Variants in FLRT1 observed in about 807,000 individuals in gnomAD.
The protein encoded by FLRT1 is leucine-rich repeat transmembrane protein FLRT1.
A neutral mutation model predicts 30.9 loss-of-function variants in FLRT1; 14 were observed. The ratio of observed to expected loss-of-function variants is 0.45; its 90% confidence interval spans 0.30 to 0.71. The LOEUF (loss-of-function observed/expected upper bound fraction) is 0.71, where lower values mean the gene tolerates loss of function less well. FLRT1 is among the 30% of genes least tolerant of loss of function. FLRT1 has a pLI of 0.08. For missense variants in FLRT1, 737 were observed against 949.2 expected, an observed-to-expected ratio of 0.78 and a Z score of 2.94; for synonymous variants, 368 against 430.4, an observed-to-expected ratio of 0.85 and a Z score of 1.80.
At chr11:64,063,956 A>T (rs2134444759) in intron 1 of FLRT1, among the ~76,000 whole-genome samples, 1 of 152,348 alleles carries the variant, frequency 6.6e-6, no homozygotes, top group African/African-American at 2.4e-5. Context: ...TGATAGACTA[A>T]GAGGTGACAA....
chr11:64,036,679 G>A lies in FLRT1; in HGVS notation c.-1038+520G>A, dbSNP rs550115255. Reference sequence around the variant, plus strand: ...TTATTTTTAAAACGACTTCAAGGGGGGCATGAGCAGCCTCCAACTTCCCTC... The same window carrying A: ...TTATTTTTAAAACGACTTCAAGGGGAGCATGAGCAGCCTCCAACTTCCCTC... On this transcript the variant is annotated intron_variant, in intron 1 of 2. Transcript: ENST00000682287. The surrounding 1 kb of genome is among the most constrained non-coding windows in gnomAD (Gnocchi z 5.6). 6.6e-6 allele frequency among the ~76,000 whole-genome samples: 1 copy of A among 152,212 alleles called. No individual in the cohort carries two copies. The highest frequency in any genetic ancestry group is 2.1e-4 in the South Asian group (1 of 4,824).
intron 2 of FLRT1, among the ~76,000 whole-genome samples, chr11:64,110,029 G>C (rs616563): frequency 0.46 from 70,568 of 151,886 alleles, 17,201 homozygotes; most frequent in African/African-American, 0.61. Context: ...CACTCAGGAG[G>C]GGGTACTCTG....
chr11:64,077,366 G>A (rs1181160528), intron 1 of FLRT1, among the ~76,000 whole-genome samples: 1 of 152,168 alleles, frequency 6.6e-6, no homozygotes, highest in Non-Finnish European at 1.5e-5. Context: ...GGGAATTGGG[G>A]GCCCCTGTCA....
chr11:64,063,937 A>G (rs1434530028), intron 1 of FLRT1, among the ~76,000 whole-genome samples: 1 of 152,222 alleles, frequency 6.6e-6, no homozygotes, highest in Non-Finnish European at 1.5e-5. Context: ...GAGGTTTGAA[A>G]GGAACCAGTG....
At chr11:64,039,401 G>GTT (rs1484384324) in intron 1 of FLRT1, among the ~76,000 whole-genome samples, 2 of 152,174 alleles carry the variant, frequency 1.3e-5, no homozygotes, top group Non-Finnish European at 2.9e-5. Context: ...TTCCAAGTGT[G>GTT]TTTGAGGTCG....
intron 1 of FLRT1, among the ~76,000 whole-genome samples, chr11:64,063,659 T>C (rs1355699493): frequency 6.6e-6 from 1 of 152,052 alleles, no homozygotes; most frequent in Non-Finnish European, 1.5e-5. Flanking sequence ...CGTGGGAGTG[T>C]GTGCTGGATG....
chr11:64,086,691 CAG>C (rs1392495727), intron 1 of FLRT1, among the ~76,000 whole-genome samples: 2 of 152,140 alleles, frequency 1.3e-5, no homozygotes, highest in Non-Finnish European at 2.9e-5. Flanking sequence ...TCAGGGAAGA[CAG>C]AGAGGGGGAG....
intron 1 of FLRT1, among the ~76,000 whole-genome samples, chr11:64,040,272 G>A (rs765376691): frequency 6.6e-6 from 1 of 152,122 alleles, no homozygotes; most frequent in South Asian, 2.1e-4. Context: ...GTGGGATTGA[G>A]GGGGACTTCC....
Position 64,065,074 on chromosome 11 carries a change from C to A in FLRT1, c.-1038+28915C>A, listed in dbSNP as rs117047674. Among the ~76,000 whole-genome samples the A allele has an allele frequency of 5.2e-3, 791 of 152,288 alleles. 7 individuals carry two copies. The highest frequency in any genetic ancestry group is 8.3e-3 in the Non-Finnish European group (564 of 68,028). ...GAAGCCCAGCAGGGCCCAGCACAGGCACCTGAGCCAGACTCGGCGGCCTCG... is the reference window on the plus strand; with the variant it reads ...GAAGCCCAGCAGGGCCCAGCACAGGAACCTGAGCCAGACTCGGCGGCCTCG... On this transcript the variant is annotated intron_variant, in intron 1 of 2. Coordinates refer to ENST00000682287, the MANE Select transcript of FLRT1 (RefSeq NM_013280.5).
chr11:64,097,922 C>T (rs1944606187), intron 1 of FLRT1, among the ~76,000 whole-genome samples: 2 of 152,132 alleles, frequency 1.3e-5, no homozygotes, highest in African/African-American at 4.8e-5. Context: ...CTCAGCTGCC[C>T]TCCAGTGAGG....
chr11:64,045,189 G>C (rs1441986685), intron 1 of FLRT1, among the ~76,000 whole-genome samples: 1 of 152,024 alleles, frequency 6.6e-6, no homozygotes, highest in Non-Finnish European at 1.5e-5. Flanking sequence ...TGGCCCAGCT[G>C]GGCCTCGCTG....
intron 1 of FLRT1, among the ~76,000 whole-genome samples, chr11:64,070,611 G>T (rs575720504): frequency 6.6e-6 from 1 of 152,312 alleles, no homozygotes; most frequent in African/African-American, 2.4e-5. Context: ...CCCCTTCCCA[G>T]AGGAGGAGAA....
chr11:64,117,962 C>T lies in FLRT1; in HGVS notation c.1695C>T (p.Phe565=), dbSNP rs201043470. The T allele has an allele frequency of 6.2e-7, 1 of 1,613,798 alleles. No homozygotes were observed. The highest frequency in any genetic ancestry group is 2.2e-5 in the East Asian group (1 of 44,884). ...GIIGGAVALV[F]LFLVLGAICW... is the part of the protein sequence containing the mutation. ...TCGGCGGGGCAGTGGCTCTGGTCTTCCTCTTCCTGGTCCTGGGGGCCATCT... is the reference window on the plus strand; with the variant it reads ...TCGGCGGGGCAGTGGCTCTGGTCTTTCTCTTCCTGGTCCTGGGGGCCATCT... Residue 565 remains phenylalanine (F), a synonymous_variant, in exon 3 of 3, where the codon TTC becomes TTT. Coordinates refer to ENST00000682287, the MANE Select transcript of FLRT1 (RefSeq NM_013280.5).
At chr11:64,080,599 G>A (rs1040648106) in intron 1 of FLRT1, among the ~76,000 whole-genome samples, 1 of 152,314 alleles carries the variant, frequency 6.6e-6, no homozygotes, top group Middle Eastern at 3.4e-3. Context: ...CAACACGTAG[G>A]CGTTCAGCAA....
chr11:64,060,805 GTCCT>G (rs1471180856), intron 1 of FLRT1: 1 of 152,232 alleles, frequency 6.6e-6, no homozygotes, highest in Non-Finnish European at 1.5e-5. Flanking sequence ...CAGTCTTTGA[GTCCT>G]GCAGCCCCCG....
chr11:64,071,638 T>C (rs1258259864), intron 1 of FLRT1, among the ~76,000 whole-genome samples: 4 of 152,294 alleles, frequency 2.6e-5, no homozygotes, highest in Middle Eastern at 6.8e-3. Flanking sequence ...TCTCCAGACC[T>C]GTTTCCCCAT....
chr11:64,117,945 G>C lies in FLRT1; in HGVS notation c.1678G>C (p.Ala560Pro). 1 of 1,613,794 alleles carries C rather than the reference G, an allele frequency of 6.2e-7. No individual in the cohort carries two copies. ...GCCCCTGGCGGGCATCATCGGCGGG[G>C]CAGTGGCTCTGGTCTTCCTCTTCCT... ...SLPLAGIIGG[A>P]VALVFLFLVL... is the part of the protein sequence containing the mutation. Residue 560 changes from alanine (A) to proline (P), a missense_variant, in exon 3 of 3, where the codon GCA (alanine) becomes CCA (proline). Transcript: ENST00000682287.
chr11:64,078,257 C>T (rs1482547260), intron 1 of FLRT1, among the ~76,000 whole-genome samples: 1 of 152,184 alleles, frequency 6.6e-6, no homozygotes, highest in Non-Finnish European at 1.5e-5. Context: ...GGCAGGTGTG[C>T]TCTCAGCACA....
At chr11:64,108,408 C>T (rs776019550) in intron 2 of FLRT1, among the ~76,000 whole-genome samples, 2 of 152,164 alleles carry the variant, frequency 1.3e-5, no homozygotes, top group Admixed American at 6.5e-5. Context: ...CTTGCCTTCA[C>T]AGGAAAGGGG....
Sources: allele counts gnomAD v4.1 joint callset (sites outside exome capture counted in the v4.1 genomes callset), GRCh38; gene constraint gnomAD v4.1.1; non-coding constraint Gnocchi (gnomAD v3.1); transcripts MANE v1.5; gene names NCBI Gene and HGNC (gene_info 2026-07-23, HGNC 2026-07-21).